Variants in CEP128 observed in about 807,000 individuals in gnomAD.
CEP128 encodes the protein centrosomal protein 128kDa.
CEP128 carries 132 observed loss-of-function variants against 156.7 expected under a neutral mutation model. The observed-to-expected ratio is 0.84, with a 90% CI of 0.73 to 0.97. The LOEUF is 0.97. Among genes scored for constraint, CEP128 ranks in the 50% least tolerant of loss-of-function variants. CEP128 has a pLI of 0.00. For synonymous variants in CEP128, 469 were observed against 448.9 expected, an observed-to-expected ratio of 1.04 and a Z score of -0.57; for missense variants, 1,252 against 1,281.9, an observed-to-expected ratio of 0.98 and a Z score of 0.36.
chr14:80,647,041 A>G (rs76162428), intron 19 of CEP128, among the ~76,000 whole-genome samples: 1,403 of 3,388 alleles, frequency 0.41, 85 homozygotes, highest in Middle Eastern at 0.5. Flanking sequence ...GTGCATGTAT[A>G]TATATATATA....
At chr14:80,682,346 C>T (rs1476378930) in intron 19 of CEP128, among the ~76,000 whole-genome samples, 2 of 152,018 alleles carry the variant, frequency 1.3e-5, no homozygotes, top group African/African-American at 4.8e-5. Flanking sequence ...GAAAAAAATT[C>T]ACAGCTTGAA....
At chr14:80,695,610 G>A (rs1301063085) in intron 19 of CEP128, among the ~76,000 whole-genome samples, 11 of 151,822 alleles carry the variant, frequency 7.2e-5, no homozygotes, top group Middle Eastern at 6.8e-3. Context: ...CCAGCTACTC[G>A]GGAGGCTGAG....
intron 21 of CEP128, among the ~76,000 whole-genome samples, chr14:80,539,530 T>C (rs1403092187): frequency 6.6e-6 from 1 of 152,208 alleles, no homozygotes; most frequent in Non-Finnish European, 1.5e-5. Context: ...CTTCATAAGC[T>C]GAGGATGTAC....
At chr14:80,492,761 T>G (rs937437283), downstream of CEP128, among the ~76,000 whole-genome samples, 2 of 152,216 alleles carry the variant, frequency 1.3e-5, no homozygotes, top group African/African-American at 2.4e-5. Flanking sequence ...CTGTGTAATT[T>G]AATGGAAAAC....
intron 16 of CEP128, among the ~76,000 whole-genome samples, chr14:80,765,137 GAC>G (rs1351525446): frequency 6.6e-6 from 1 of 152,128 alleles, no homozygotes; most frequent in Non-Finnish European, 1.5e-5. Flanking sequence ...TAGAGTAAAC[GAC>G]ACAGACAGGC....
intron 19 of CEP128, among the ~76,000 whole-genome samples, chr14:80,711,116 T>C (rs1408107767): frequency 6.6e-6 from 1 of 152,180 alleles, no homozygotes; most frequent in African/African-American, 2.4e-5. Context: ...TGGTTTTCAT[T>C]GTTTCTATAG....
intron 8 of CEP128, among the ~76,000 whole-genome samples, chr14:80,883,455 A>C (rs1233482803): frequency 2.0e-5 from 3 of 152,160 alleles, no homozygotes; most frequent in Non-Finnish European, 4.4e-5. Flanking sequence ...AACAGCAAAC[A>C]AACTGGAAAA....
At chr14:80,744,071 C>T (rs576399240) in intron 18 of CEP128, among the ~76,000 whole-genome samples, 17 of 151,900 alleles carry the variant, frequency 1.1e-4, no homozygotes, top group African/African-American at 3.6e-4. Flanking sequence ...GTTGGGATTT[C>T]GCCATGTTGC....
At chr14:80,527,062 T>C (rs1157676087) in intron 22 of CEP128, 80 bp from the exon 23 acceptor site, 4 of 665,910 alleles carry the variant, frequency 6.0e-6, no homozygotes, top group Non-Finnish European at 1.0e-5. Flanking sequence ...AGAAAGAGTC[T>C]ATATGTAGAT....
At chr14:80,949,419 T>G (rs545053931) in intron 2 of CEP128, among the ~76,000 whole-genome samples, 1 of 152,170 alleles carries the variant, frequency 6.6e-6, no homozygotes, top group East Asian at 1.9e-4. Flanking sequence ...CATGGAAGAT[T>G]CAGCAGAGTA....
intron 4 of CEP128, among the ~76,000 whole-genome samples, 174 bp downstream of exon 4, chr14:80,914,148 G>A (rs1884410324): frequency 6.6e-6 from 1 of 152,132 alleles, no homozygotes; most frequent in Non-Finnish European, 1.5e-5. Context: ...ATATAAGCTA[G>A]TTAGCAATCC....
Position 80,761,450 on chromosome 14 carries a change from ACT to A in CEP128, c.2538_2539del (p.Val847GlyfsTer11). 1 of 1,603,390 alleles carries A rather than the reference ACT, an allele frequency of 6.2e-7. No homozygotes were observed. Among genetic ancestry groups the A allele is most frequent in the Non-Finnish European group, 8.5e-7 (1 of 1,172,850 alleles). On this transcript the variant is annotated frameshift_variant, in exon 17 of 25. Transcript: ENST00000555265. LOFTEE classifies it high-confidence loss of function. The stretch of plus-strand genomic sequence containing the variant: ...ATTCATAATTACTTTTAATTTCTCC[ACT>A]GAGTCCTTGGAGAATGTTTTACAAG...
intron 7 of CEP128, among the ~76,000 whole-genome samples, chr14:80,897,741 T>A (rs1330527671): frequency 2.0e-5 from 3 of 152,058 alleles, no homozygotes; most frequent in African/African-American, 7.2e-5. Flanking sequence ...TCAACTCTCA[T>A]ATACTAGTGC....
At chr14:80,623,976 T>G (rs1893601540) in intron 19 of CEP128, among the ~76,000 whole-genome samples, 1 of 152,192 alleles carries the variant, frequency 6.6e-6, no homozygotes, top group African/African-American at 2.4e-5. Flanking sequence ...ATACAGTAAG[T>G]TATTGTTAAA....
intron 4 of CEP128, among the ~76,000 whole-genome samples, chr14:80,911,835 G>A (rs552750889): frequency 2.5e-4 from 38 of 152,302 alleles, no homozygotes; most frequent in Non-Finnish European, 3.8e-4. Context: ...TTAATCTGGA[G>A]AAGCTATTTT....
At chr14:80,561,509 T>C (rs534300743) in intron 20 of CEP128, among the ~76,000 whole-genome samples, 2 of 152,308 alleles carry the variant, frequency 1.3e-5, no homozygotes, top group South Asian at 4.1e-4. Flanking sequence ...AGATGCCTTA[T>C]ACAGAGAGAA....
chr14:80,561,156 C>A (rs997272292), intron 20 of CEP128, among the ~76,000 whole-genome samples: 3 of 152,168 alleles, frequency 2.0e-5, no homozygotes, highest in Non-Finnish European at 4.4e-5. Context: ...AACAGTTGCA[C>A]ATTTCCACCC....
In CEP128 at chr14:80,568,360, C is replaced by T. The variant is rs1401671014; in HGVS notation, c.2857-9058G>A. 3.3e-5 allele frequency among the ~76,000 whole-genome samples: 5 copies of T among 152,208 alleles called. No individual in the cohort carries two copies. The East Asian group carries it at 7.7e-4, about 23-fold the overall frequency. On this transcript the variant is annotated intron_variant, in intron 20 of 24. Transcript: ENST00000555265. ...TGTCACACAGCTGAGTCATTAAATG[C>T]TACAAGTAAATAGTCCACCTTTGGA...
chr14:80,620,652 G>A (rs1012205851), intron 19 of CEP128, among the ~76,000 whole-genome samples: 2 of 152,080 alleles, frequency 1.3e-5, no homozygotes, highest in South Asian at 4.1e-4. Context: ...TAATACTGAA[G>A]AGAAAATGAA....
Sources: allele counts gnomAD v4.1 joint callset (sites outside exome capture counted in the v4.1 genomes callset), GRCh38; gene constraint gnomAD v4.1.1; transcripts MANE v1.5; gene names NCBI Gene and HGNC (gene_info 2026-07-23, HGNC 2026-07-21).